Variants in SNU13 observed in about 807,000 individuals in gnomAD.
The protein encoded by SNU13 is small nuclear ribonucleoprotein 13.
SNU13 carries 2 observed loss-of-function variants against 12.4 expected under a neutral mutation model. That is an observed-to-expected ratio of 0.16 (90% CI 0.07 to 0.51). SNU13 has a LOEUF of 0.51. SNU13 is among the 20% of genes least tolerant of loss of function. The probability of loss-of-function intolerance (pLI) is 0.96; values close to 1 mark genes in which losing one functional copy is unlikely to be tolerated. For missense variants in SNU13, 66 were observed against 157.8 expected, an observed-to-expected ratio of 0.42 and a Z score of 3.12; for synonymous variants, 68 against 66.5, an observed-to-expected ratio of 1.02 and a Z score of -0.11.
chr22:41,685,414 C>T (rs916883831), intron 1 of SNU13, among the ~76,000 whole-genome samples: 1 of 151,854 alleles, frequency 6.6e-6, no homozygotes, highest in Non-Finnish European at 1.5e-5. Flanking sequence ...AGTGCAGTGG[C>T]ACAATCTCGG....
At chr22:41,690,422 A>G (rs536842797), upstream of SNU13, 11 of 719,494 alleles carry the variant, frequency 1.5e-5, no homozygotes, top group East Asian at 1.9e-4. Context: ...CAATTCCCCA[A>G]TACTGTCCTT....
At chr22:41,683,125 C>G (rs555034377) in intron 1 of SNU13, among the ~76,000 whole-genome samples, 106 of 152,246 alleles carry the variant, frequency 7.0e-4, no homozygotes, top group Non-Finnish European at 1.2e-3. Flanking sequence ...GCCTCCAGAG[C>G]AGCTGGTACT....
At chr22:41,682,256 T>G in intron 1 of SNU13, 1 of 1,311,134 alleles carries the variant, frequency 7.6e-7, no homozygotes, top group Non-Finnish European at 1.1e-6. Flanking sequence ...TTTTCCTCCT[T>G]CCGTTTTTTT....
intron 1 of SNU13, among the ~76,000 whole-genome samples, chr22:41,688,499 C>T (rs1223645614): frequency 6.6e-6 from 1 of 152,218 alleles, no homozygotes; most frequent in Non-Finnish European, 1.5e-5. Context: ...GGGTTGGTCT[C>T]TTTCTCCCAG....
At chr22:41,679,623 A>G (rs1038514852) in intron 2 of SNU13, 2 of 152,050 alleles carry the variant, frequency 1.3e-5, no homozygotes, top group Non-Finnish European at 2.9e-5. Context: ...AGAGTATCCT[A>G]TATCACCTCT....
At chr22:41,682,311 T>C (rs753230173) in intron 1 of SNU13, 1 of 1,578,878 alleles carries the variant, frequency 6.3e-7, no homozygotes, top group Non-Finnish European at 8.7e-7. Context: ...GCACCACAGC[T>C]CTCGGGAGGT....
At chr22:41,688,926 G>A, upstream of SNU13, 3 of 1,437,140 alleles carry the variant, frequency 2.1e-6, no homozygotes, top group Admixed American at 2.3e-5. Flanking sequence ...CGAAGGTGAC[G>A]CTACGCGAGC....
intron 2 of SNU13, among the ~76,000 whole-genome samples, chr22:41,678,132 C>A (rs555190641): frequency 3.3e-5 from 5 of 152,232 alleles, no homozygotes; most frequent in East Asian, 3.9e-4. Context: ...CCCGCCACCA[C>A]GCCCGGCTAA....
intron 2 of SNU13, among the ~76,000 whole-genome samples, chr22:41,679,202 A>G (rs915391739): frequency 6.6e-6 from 1 of 152,178 alleles, no homozygotes; most frequent in Non-Finnish European, 1.5e-5. Context: ...TCAGGTCAGG[A>G]GTTCGAGACC....
intron 2 of SNU13, chr22:41,679,574 A>G (rs554912275): frequency 6.6e-6 from 1 of 151,812 alleles, no homozygotes; most frequent in Non-Finnish European, 1.5e-5. Context: ...ATAAATAAAT[A>G]AATAAAATAA....
At chr22:41,686,300 TTA>T (rs2068309376) in intron 1 of SNU13, among the ~76,000 whole-genome samples, 1 of 151,918 alleles carries the variant, frequency 6.6e-6, no homozygotes, top group South Asian at 2.1e-4. Context: ...GTTTATTCTT[TTA>T]TCTTTTTTTT....
intron 2 of SNU13, among the ~76,000 whole-genome samples, chr22:41,677,105 A>G (rs2068221137): frequency 6.6e-6 from 1 of 151,704 alleles, no homozygotes; most frequent in Admixed American, 6.6e-5. Context: ...TTTTCCACTT[A>G]CTCCGTAAGC....
chr22:41,680,379 TAA>T lies in SNU13; in HGVS notation c.4-17_4-16del. ...TCAGCCTCAGTCTATGGGGGGGACA[TAA>T]AAATATCAGACAAATTGAGCCAGAA... is the stretch of plus-strand genomic sequence containing the variant. On this transcript the variant is annotated splice_polypyrimidine_tract_variant and intron_variant, in intron 1 of 2. Transcript: ENST00000401959. 6.3e-7 allele frequency: 1 copy of T among 1,593,476 alleles called. No homozygotes were observed. Among genetic ancestry groups the T allele is most frequent in the Non-Finnish European group, 8.5e-7 (1 of 1,170,326 alleles).
intron 1 of SNU13, chr22:41,682,526 A>C: frequency 1.3e-6 from 2 of 1,516,506 alleles, no homozygotes; most frequent in Non-Finnish European, 1.8e-6. Context: ...CCCGTACACC[A>C]GGACGCCCTG....
intron 1 of SNU13, chr22:41,682,477 G>A: frequency 1.1e-5 from 17 of 1,589,586 alleles, no homozygotes; most frequent in Non-Finnish European, 1.4e-5. Context: ...AGCAGGAAGT[G>A]ACGCCACTGC....
chr22:41,680,476 A>T, intron 1 of SNU13, 112 bp from the exon 2 acceptor site: 2 of 1,104,230 alleles, frequency 1.8e-6, no homozygotes, highest in Non-Finnish European at 2.6e-6. Flanking sequence ...CTGCTCCCTA[A>T]CCCTCAAACA....
chr22:41,682,065 C>T (rs2068268403), intron 1 of SNU13, among the ~76,000 whole-genome samples: 1 of 152,098 alleles, frequency 6.6e-6, no homozygotes, highest in African/African-American at 2.4e-5. Context: ...TGCGGCCCCA[C>T]ATGTCGCCAT....
chr22:41,682,228 C>G, intron 1 of SNU13: 1 of 998,486 alleles, frequency 1.0e-6, no homozygotes, highest in South Asian at 1.3e-5. Context: ...GTCTCCTGCC[C>G]GACACCGCGC....
intron 2 of SNU13, 111 bp downstream of exon 2, chr22:41,680,133 G>A: frequency 7.5e-7 from 1 of 1,329,510 alleles, no homozygotes; most frequent in Non-Finnish European, 1.0e-6. Flanking sequence ...CCTCCCACTG[G>A]TTGTAGTCGA....
Sources: gnomAD v4.1 joint callset for allele counts (sites outside exome capture counted in the v4.1 genomes callset) on GRCh38, gnomAD v4.1.1 for gene constraint, MANE v1.5 for transcripts, NCBI Gene and HGNC (gene_info 2026-07-23, HGNC 2026-07-21) for gene names.